Variants in PHF20L1 observed in about 807,000 individuals in gnomAD.
The protein encoded by PHF20L1 is PHD finger protein 20 like 1, also known as PHD finger protein 20-like protein 1.
PHF20L1 carries 44 observed loss-of-function variants against 125.5 expected under a neutral mutation model. The ratio of observed to expected loss-of-function variants is 0.35; its 90% CI spans 0.28 to 0.45. PHF20L1 has a LOEUF of 0.45. Ranked by LOEUF, PHF20L1 falls within the 20% of genes least tolerant of loss-of-function variation. The probability of loss-of-function intolerance (pLI) is 1.00; values close to 1 mark genes in which losing one functional copy is unlikely to be tolerated. For synonymous variants in PHF20L1, 380 were observed against 403.1 expected, an observed-to-expected ratio of 0.94 and a Z score of 0.69; for missense variants, 1,012 against 1,217.2, an observed-to-expected ratio of 0.83 and a Z score of 2.51.
At chr8:132,800,831 G>A (rs1033042365) in intron 6 of PHF20L1, among the ~76,000 whole-genome samples, 2 of 151,508 alleles carry the variant, frequency 1.3e-5, no homozygotes, top group Admixed American at 6.6e-5. Context: ...TACAGTGGGT[G>A]CAATGTGAGC....
chr8:132,821,107 C>T (rs1835544382), intron 12 of PHF20L1, among the ~76,000 whole-genome samples: 1 of 151,764 alleles, frequency 6.6e-6, no homozygotes, highest in Non-Finnish European at 1.5e-5. Context: ...GAGCAGGTCC[C>T]CTGAGTTTTC....
intron 2 of PHF20L1, among the ~76,000 whole-genome samples, chr8:132,778,225 A>G (rs921529377): frequency 5.9e-5 from 9 of 152,304 alleles, no homozygotes; most frequent in Admixed American, 4.6e-4. Flanking sequence ...TGGTGGAAGT[A>G]GAGAGAGGAG....
intron 15 of PHF20L1, among the ~76,000 whole-genome samples, chr8:132,834,667 T>C (rs1384644005): frequency 1.3e-5 from 2 of 152,056 alleles, no homozygotes; most frequent in Non-Finnish European, 2.9e-5. Flanking sequence ...CAACAGTGTT[T>C]GAAACTGTTT....
chr8:132,786,938 A>AG (rs1831105712), intron 2 of PHF20L1, among the ~76,000 whole-genome samples: 1 of 152,154 alleles, frequency 6.6e-6, no homozygotes, highest in Non-Finnish European at 1.5e-5. Flanking sequence ...ATATAAACAA[A>AG]TTAACTATCT....
chr8:132,818,494 G>C (rs1835218836), intron 12 of PHF20L1: 1 of 151,800 alleles, frequency 6.6e-6, no homozygotes, highest in Admixed American at 6.6e-5. Context: ...GAAATAAAAT[G>C]ATTGAAGTAA....
chr8:132,813,920 A>G lies in PHF20L1; in HGVS notation c.931-717A>G, dbSNP rs559878459. Among the ~76,000 whole-genome samples, 3 of 152,024 alleles carry G rather than the reference A, an allele frequency of 2.0e-5. No individual in the cohort carries two copies. In the South Asian group the frequency reaches 6.2e-4, roughly 32 times the overall value. On this transcript the variant is annotated intron_variant, in intron 9 of 20. Coordinates refer to ENST00000395386, the MANE Select transcript of PHF20L1 (RefSeq NM_016018.5). ...AGGAAGAAGGTAAAAACTCTCATCT[A>G]AGAATGCGACGTATTTTGTTTTTAA... is the stretch of plus-strand genomic sequence containing the variant.
intron 10 of PHF20L1, chr8:132,816,581 A>G: frequency 8.6e-6 from 2 of 231,268 alleles, no homozygotes; most frequent in South Asian, 2.0e-4. Flanking sequence ...GGCAATTTAC[A>G]CAACGATCTG....
intron 2 of PHF20L1, among the ~76,000 whole-genome samples, chr8:132,778,861 C>T (rs1324921290): frequency 2.0e-5 from 3 of 152,274 alleles, no homozygotes; most frequent in South Asian, 2.1e-4. Context: ...TATTTTGATG[C>T]GAGTTCTTGT....
chr8:132,795,416 T>G (rs928955421), intron 4 of PHF20L1, among the ~76,000 whole-genome samples: 6 of 152,128 alleles, frequency 3.9e-5, no homozygotes, highest in African/African-American at 1.4e-4. Flanking sequence ...ACACAGAAAT[T>G]AGGCATGTTA....
At chr8:132,800,932 C>T (rs1586914489) in intron 6 of PHF20L1, among the ~76,000 whole-genome samples, 2 of 151,680 alleles carry the variant, frequency 1.3e-5, no homozygotes, top group East Asian at 3.9e-4. Flanking sequence ...ATAAGATCCC[C>T]TCTTTTTCTC....
chr8:132,832,484 T>C (rs1836880748), intron 15 of PHF20L1, 85 bp downstream of exon 15: 2 of 959,652 alleles, frequency 2.1e-6, no homozygotes, highest in Non-Finnish European at 3.1e-6. Flanking sequence ...GTTAAGAGCA[T>C]GCGATTTAAA....
In PHF20L1 at chr8:132,817,354, A is replaced by G. The variant is rs542718855; in HGVS notation, c.1388A>G (p.His463Arg). Residue 463 changes from histidine to arginine, a missense_variant, in exon 12 of 21, where the codon CAT (histidine) becomes CGT (arginine). His to Arg is a conservative substitution (Grantham distance 29). Transcript: ENST00000395386. ...TTTTGTGTAGTGCCTGATGTTGCAC[A>G]TTTGCCACTTGAGAAGCTGGGACCC... ...SSVPEVPDVA[H>R]LPLEKLGPCL... 62 of 1,612,384 alleles carry G rather than the reference A, an allele frequency of 3.8e-5. No homozygotes were observed. The South Asian group carries it at 6.0e-4, about 16-fold the overall frequency.
At chr8:132,834,400 C>T (rs2223130) in intron 15 of PHF20L1, among the ~76,000 whole-genome samples, 62,261 of 151,790 alleles carry the variant, frequency 0.41, 12,909 homozygotes, top group South Asian at 0.51. Context: ...CTGGTGTGAT[C>T]GTAGTTCATT....
rs1837687537 is a variant in PHF20L1 at position 132,839,277 on chromosome 8, C to T, written c.2192-110C>T. The T allele has an allele frequency of 1.0e-5, 8 of 792,240 alleles. No individual in the cohort carries two copies. The Admixed American group carries it at 1.5e-4, about 14-fold the overall frequency. 49.1% of individuals were successfully genotyped at this position (792,240 alleles called of 1,614,324 possible). On this transcript the variant is annotated intron_variant, in intron 17 of 20. Coordinates refer to ENST00000395386, the MANE Select transcript of PHF20L1 (RefSeq NM_016018.5). ...CTGTCTTACTCTTTTTGAATCTGCTCCTAGTGCTAGAGCTTGCCTTGCTTA... is the reference window on the plus strand; with the variant it reads ...CTGTCTTACTCTTTTTGAATCTGCTTCTAGTGCTAGAGCTTGCCTTGCTTA...
At position 132,817,044 on chromosome 8, in the gene PHF20L1, C is replaced by A; in HGVS notation, c.1340C>A (p.Ser447Tyr). ...ATDGKVFSIS[S>Y]QNQQESSVPE... ...GATGGGAAAGTATTCTCCATCAGTT[C>A]TCAAAATCAGCAAGAATCTTCAGTA... Residue 447 changes from serine (S) to tyrosine (Y), a missense_variant, in exon 11 of 21, where the codon TCT (serine) becomes TAT (tyrosine). Coordinates refer to ENST00000395386, the MANE Select transcript of PHF20L1 (RefSeq NM_016018.5). 6.3e-7 allele frequency: 1 copy of A among 1,593,472 alleles called. No homozygotes were observed. Among genetic ancestry groups the A allele is most frequent in the South Asian group, 1.1e-5 (1 of 88,178 alleles).
At chr8:132,807,114 A>G (rs903680857) in intron 8 of PHF20L1, 2 of 152,294 alleles carry the variant, frequency 1.3e-5, no homozygotes, top group East Asian at 3.9e-4. Flanking sequence ...ATACACACAT[A>G]TACATACAGA....
At chr8:132,818,943 T>G (rs1400091133) in intron 12 of PHF20L1, 2 of 151,916 alleles carry the variant, frequency 1.3e-5, no homozygotes, top group Non-Finnish European at 2.9e-5. Flanking sequence ...GTAACAATAT[T>G]GAAATATAGG....
intron 12 of PHF20L1, chr8:132,819,031 G>C (rs181066113): frequency 5.3e-5 from 8 of 151,982 alleles, no homozygotes; most frequent in African/African-American, 1.9e-4. Context: ...TGTAGTGATT[G>C]TGCATGGAAG....
At chr8:132,818,413 G>C (rs1424289011) in intron 12 of PHF20L1, 1 of 151,840 alleles carries the variant, frequency 6.6e-6, no homozygotes, top group Non-Finnish European at 1.5e-5. Context: ...CGTCTTCCCT[G>C]AAACCATTTT....
Sources: allele counts gnomAD v4.1 joint callset (sites outside exome capture counted in the v4.1 genomes callset), GRCh38; gene constraint gnomAD v4.1.1; transcripts MANE v1.5; gene names NCBI Gene and HGNC (gene_info 2026-07-23, HGNC 2026-07-21).